The following RXFP1 variants were observed in gnomAD, a reference collection of about 807,000 sequenced individuals.
RXFP1 encodes the protein relaxin family peptide receptor 1.
A neutral mutation model predicts 89.8 loss-of-function variants in RXFP1; 73 were observed. The observed-to-expected ratio is 0.81, with a 90% CI of 0.67 to 0.99. The LOEUF (loss-of-function observed/expected upper bound fraction) is 0.99, where lower values mean the gene tolerates loss of function less well. RXFP1 is among the 50% of genes least tolerant of loss of function. RXFP1 has a pLI of 0.00. For synonymous variants in RXFP1, 277 were observed against 305.5 expected, an observed-to-expected ratio of 0.91 and a Z score of 0.97; for missense variants, 793 against 895.5, an observed-to-expected ratio of 0.89 and a Z score of 1.46.
intron 10 of RXFP1, among the ~76,000 whole-genome samples, chr4:158,627,155 A>G (rs1365613759): frequency 6.6e-6 from 1 of 152,196 alleles, no homozygotes; most frequent in African/African-American, 2.4e-5. Flanking sequence ...GAATGTTCAC[A>G]ACCTTGAGGA....
chr4:158,619,225 C>T (rs1034330207), intron 9 of RXFP1, among the ~76,000 whole-genome samples: 20 of 152,114 alleles, frequency 1.3e-4, no homozygotes, highest in African/African-American at 4.8e-4. Context: ...ATTACATTTC[C>T]ATTCCTATAA....
At chr4:158,603,343 A>G (rs1762025017) in intron 4 of RXFP1, among the ~76,000 whole-genome samples, 1 of 152,214 alleles carries the variant, frequency 6.6e-6, no homozygotes, top group African/African-American at 2.4e-5. Flanking sequence ...ATTAGCAGAA[A>G]AGAGCTCCTC....
intron 2 of RXFP1, among the ~76,000 whole-genome samples, chr4:158,583,257 T>C (rs1757708705): frequency 6.6e-6 from 1 of 152,252 alleles, no homozygotes; most frequent in African/African-American, 2.4e-5. Context: ...AAATTTTCAA[T>C]TGGTCCTGTG....
intron 1 of RXFP1, among the ~76,000 whole-genome samples, chr4:158,553,363 G>A (rs149536290): frequency 2.0e-5 from 3 of 152,262 alleles, no homozygotes; most frequent in African/African-American, 7.2e-5. Flanking sequence ...GTTTTCAGGG[G>A]CTAAGCCAGA....
At chr4:158,594,091 A>T (rs1760063659) in intron 3 of RXFP1, among the ~76,000 whole-genome samples, 1 of 152,222 alleles carries the variant, frequency 6.6e-6, no homozygotes, top group Non-Finnish European at 1.5e-5. Context: ...ACATTATGCA[A>T]ATGTAAATCT....
intron 1 of RXFP1, chr4:158,544,070 A>G (rs1747550993): frequency 1.0e-6 from 1 of 983,132 alleles, no homozygotes; most frequent in Non-Finnish European, 1.2e-6. Flanking sequence ...AGAAATGTCT[A>G]TAAAGAGAAG....
chr4:158,559,570 A>AT (rs1236967934), intron 1 of RXFP1, among the ~76,000 whole-genome samples: 69 of 152,200 alleles, frequency 4.5e-4, no homozygotes, highest in African/African-American at 1.6e-3. Context: ...GATTTAAAAA[A>AT]TTTTTTCATA....
chr4:158,643,016 C>T lies in RXFP1; in HGVS notation c.1116-1893C>T, dbSNP rs140956662. Among the ~76,000 whole-genome samples, 449 of 152,226 alleles carry T rather than the reference C, an allele frequency of 2.9e-3. 2 individuals carry two copies. The highest frequency in any genetic ancestry group is 9.8e-3 in the African/African-American group (408 of 41,514). Reference sequence around the variant, plus strand: ...CCAGGTGTGCCATTTGTATAGCATGCGAAGAAGCTGGCTGCCCCACCCTAA... The same window carrying T: ...CCAGGTGTGCCATTTGTATAGCATGTGAAGAAGCTGGCTGCCCCACCCTAA... On this transcript the variant is annotated intron_variant, in intron 14 of 17. Transcript: ENST00000307765.
rs1422977363 is a variant in RXFP1, at chr4:158,646,342, G to T, written c.1346-449G>T. 1.0e-5 allele frequency: 5 copies of T among 497,222 alleles called. No homozygotes were observed. In the Admixed American group the frequency reaches 1.2e-4, roughly 12 times the overall value. 30.8% of individuals were successfully genotyped at this position (497,222 alleles called of 1,614,324 possible). Reference sequence around the variant, plus strand: ...TCATTATTCTATCATAGGAACTTGTGAATTACTTTCTCCAAGATTTTATAT... The same window carrying T: ...TCATTATTCTATCATAGGAACTTGTTAATTACTTTCTCCAAGATTTTATAT... On this transcript the variant is annotated intron_variant, in intron 15 of 17. Transcript: ENST00000307765.
intron 4 of RXFP1, among the ~76,000 whole-genome samples, chr4:158,602,749 T>C (rs1039519165): frequency 2.0e-5 from 3 of 152,074 alleles, no homozygotes; most frequent in Non-Finnish European, 4.4e-5. Flanking sequence ...AATGAATGAA[T>C]GAATGAACAA....
chr4:158,617,296 T>G (rs1044778589), intron 9 of RXFP1, 91 bp downstream of exon 9: 8 of 947,652 alleles, frequency 8.4e-6, no homozygotes, highest in Non-Finnish European at 1.3e-5. Flanking sequence ...TAGTTTTTCT[T>G]AAAAATGATA....
chr4:158,547,972 G>A (rs1376600187), intron 1 of RXFP1, among the ~76,000 whole-genome samples: 3 of 152,100 alleles, frequency 2.0e-5, no homozygotes, highest in Admixed American at 6.5e-5. Context: ...AGGTCTGCTG[G>A]GTGCAGAGCT....
chr4:158,568,358 T>G (rs1257720703), intron 1 of RXFP1, among the ~76,000 whole-genome samples: 1 of 152,190 alleles, frequency 6.6e-6, no homozygotes, highest in Non-Finnish European at 1.5e-5. Context: ...AAGATAATAT[T>G]CAGAAAAGTT....
At chr4:158,606,472 A>T (rs1762550271) in intron 5 of RXFP1, among the ~76,000 whole-genome samples, 1 of 152,204 alleles carries the variant, frequency 6.6e-6, no homozygotes, top group African/African-American at 2.4e-5. Context: ...AATGCAGCCT[A>T]TTCCTTAGTA....
intron 9 of RXFP1, among the ~76,000 whole-genome samples, chr4:158,617,891 CA>C (rs1458818034): frequency 2.6e-5 from 4 of 151,992 alleles, no homozygotes; most frequent in Non-Finnish European, 5.9e-5. Flanking sequence ...AAGCTCATAG[CA>C]GATTACAAAT....
intron 9 of RXFP1, among the ~76,000 whole-genome samples, chr4:158,626,350 G>A (rs569216045): frequency 3.3e-5 from 5 of 152,164 alleles, no homozygotes; most frequent in African/African-American, 1.2e-4. Context: ...AGGCTGGAAA[G>A]GTAGGAGCTA....
At chr4:158,634,877 T>C (rs180817723) in intron 12 of RXFP1, among the ~76,000 whole-genome samples, 13 of 152,336 alleles carry the variant, frequency 8.5e-5, no homozygotes, top group Admixed American at 7.8e-4. Context: ...TCTATTCTAT[T>C]CCATTAGTCT....
At chr4:158,603,620 A>G (rs1240564070) in intron 4 of RXFP1, among the ~76,000 whole-genome samples, 1 of 151,804 alleles carries the variant, frequency 6.6e-6, no homozygotes, top group Non-Finnish European at 1.5e-5. Flanking sequence ...GGACAGGCGC[A>G]GTGGCTCACG....
chr4:158,522,064 T>C, intron 1 of RXFP1, 39 bp downstream of exon 1: 1 of 1,224,822 alleles, frequency 8.2e-7, no homozygotes, highest in South Asian at 1.3e-5. Context: ...TACCTTAGTA[T>C]TTTGTGGAAT....
Sources: gnomAD v4.1 joint callset for allele counts (sites outside exome capture counted in the v4.1 genomes callset) on GRCh38, gnomAD v4.1.1 for gene constraint, MANE v1.5 for transcripts, NCBI Gene and HGNC (gene_info 2026-07-23, HGNC 2026-07-21) for gene names.